Variants in JAKMIP3 observed in about 807,000 individuals in gnomAD.
JAKMIP3 encodes the protein janus kinase and microtubule-interacting protein 3.
Under a neutral mutation model 118.5 loss-of-function variants are expected in JAKMIP3, and 58 were observed. That is an observed-to-expected ratio of 0.49 (90% CI 0.40 to 0.61). The LOEUF (loss-of-function observed/expected upper bound fraction) is 0.61. JAKMIP3 is among the 20% of genes least tolerant of loss of function. JAKMIP3 has a pLI of 0.00. For missense variants in JAKMIP3, 950 were observed against 1,109.0 expected (o/e 0.86, Z 2.04); for synonymous variants, 486 against 451.2 (o/e 1.08, Z -0.98).
intron 19 of JAKMIP3, among the ~76,000 whole-genome samples, chr10:132,157,615 G>A (rs1048719503): frequency 6.6e-6 from 1 of 152,150 alleles, no homozygotes; most frequent in Non-Finnish European, 1.5e-5. Context: ...CAGCCGCCTG[G>A]TGCAGTCCTA....
At chr10:132,154,145 C>T (rs2056697627) in intron 19 of JAKMIP3, among the ~76,000 whole-genome samples, 155 bp downstream of exon 19, 2 of 152,374 alleles carry the variant, frequency 1.3e-5, no homozygotes, top group South Asian at 2.1e-4. Context: ...GGCTCTGGCT[C>T]TCCAGAGCTG....
At chr10:132,074,148 T>C (rs1170469054) in intron 1 of JAKMIP3, among the ~76,000 whole-genome samples, 1 of 152,140 alleles carries the variant, frequency 6.6e-6, no homozygotes, top group Non-Finnish European at 1.5e-5. Flanking sequence ...GCCTCCTGGG[T>C]TCAAGGGATT....
At chr10:132,136,532 C>T (rs1204215872) in intron 6 of JAKMIP3, among the ~76,000 whole-genome samples, 6 of 152,226 alleles carry the variant, frequency 3.9e-5, no homozygotes, top group Middle Eastern at 3.2e-3. Flanking sequence ...GGTGTCACCA[C>T]GTTCCCCTGC....
At chr10:132,110,901 G>A (rs1455679654) in intron 2 of JAKMIP3, among the ~76,000 whole-genome samples, 2 of 152,230 alleles carry the variant, frequency 1.3e-5, no homozygotes, top group Non-Finnish European at 1.5e-5. Context: ...AGAGCCATAC[G>A]TGTCATGAGG....
chr10:132,056,299 C>A (rs1564853254), intron 1 of JAKMIP3, among the ~76,000 whole-genome samples: 1 of 152,174 alleles, frequency 6.6e-6, no homozygotes, highest in Non-Finnish European at 1.5e-5. Context: ...AGCCCATCCC[C>A]AGCGTCTCTG....
intron 23 of JAKMIP3, among the ~76,000 whole-genome samples, chr10:132,175,157 G>T (rs1332928421): frequency 3.3e-5 from 5 of 152,192 alleles, no homozygotes; most frequent in African/African-American, 4.8e-5. Flanking sequence ...GGTTTTTGAT[G>T]TTAGAACTAA....
chr10:132,051,461 A>T (rs1428346891), intron 1 of JAKMIP3, among the ~76,000 whole-genome samples: 1 of 151,510 alleles, frequency 6.6e-6, no homozygotes, highest in African/African-American at 2.4e-5. Context: ...GGGTTTAATG[A>T]CCATTTCCCT....
chr10:132,109,737 C>G (rs2046560749), intron 2 of JAKMIP3, among the ~76,000 whole-genome samples: 1 of 152,200 alleles, frequency 6.6e-6, no homozygotes, highest in African/African-American at 2.4e-5. Context: ...GGGCTTGAGG[C>G]TGTAGCTTCT....
intron 1 of JAKMIP3, among the ~76,000 whole-genome samples, chr10:132,048,666 TC>T (rs1220587249): frequency 3.2e-5 from 3 of 93,826 alleles, no homozygotes; most frequent in African/African-American, 9.2e-5. Flanking sequence ...CTGTTTCTTT[TC>T]TTTTTTTTTT....
chr10:132,082,461 G>A (rs1048304652), intron 1 of JAKMIP3, among the ~76,000 whole-genome samples: 3 of 151,986 alleles, frequency 2.0e-5, no homozygotes, highest in Non-Finnish European at 2.9e-5. Context: ...TCCCACCTAC[G>A]AGTGAGAGCA....
intron 9 of JAKMIP3, among the ~76,000 whole-genome samples, chr10:132,138,650 C>T (rs1427222377): frequency 6.6e-6 from 1 of 152,144 alleles, no homozygotes; most frequent in African/African-American, 2.4e-5. Context: ...TTCAAATTTC[C>T]AAGAGAAGAT....
Position 132,140,573 on chromosome 10 carries a change from G to A in JAKMIP3, c.1467G>A (p.Leu489=). 1 of 1,416,620 alleles carries A rather than the reference G, an allele frequency of 7.1e-7. No individual in the cohort carries two copies. Among genetic ancestry groups the A allele is most frequent in the South Asian group, 1.3e-5 (1 of 77,462 alleles). 87.8% of individuals were successfully genotyped at this position (1,416,620 alleles called of 1,614,324 possible). A position where few individuals can be genotyped will look rare whatever the true frequency, so the allele number is the denominator to read the frequency against. Residue 489 remains leucine (L), a synonymous_variant, in exon 10 of 24, where the codon TTG becomes TTA. Transcript: ENST00000684848. ...DQTPCTPDDD[L]EEGMAKEETE... ...CCCCGTGCACCCCGGACGATGACTT[G>A]GAGGAGGTAACGAGGGTCTCCTGCC...
chr10:132,081,167 G>A (rs2041717662), intron 1 of JAKMIP3, among the ~76,000 whole-genome samples: 1 of 149,808 alleles, frequency 6.7e-6, no homozygotes, highest in Non-Finnish European at 1.5e-5. Context: ...TTTGCATGTG[G>A]ACATCCAGTT....
chr10:132,071,901 C>CT (rs2039998670), intron 1 of JAKMIP3, among the ~76,000 whole-genome samples: 1 of 33,452 alleles, frequency 3.0e-5, no homozygotes, highest in South Asian at 1.2e-3. Flanking sequence ...TCCTTTCTTT[C>CT]TTCCCTTCCT....
At chr10:132,063,965 A>G (rs4880314), upstream of JAKMIP3, among the ~76,000 whole-genome samples, 117,335 of 152,208 alleles carry the variant, frequency 0.77, 45,878 homozygotes, top group East Asian at 1. Context: ...TACTATACAC[A>G]CTTTTTTAAA....
chr10:132,091,038 C>T (rs2043027047), intron 1 of JAKMIP3, among the ~76,000 whole-genome samples: 1 of 152,108 alleles, frequency 6.6e-6, no homozygotes, highest in Non-Finnish European at 1.5e-5. Context: ...TGTTATGTAC[C>T]CAGTAGTCAT....
chr10:132,154,714 T>G (rs894673570), intron 19 of JAKMIP3, among the ~76,000 whole-genome samples: 4 of 152,054 alleles, frequency 2.6e-5, no homozygotes, highest in African/African-American at 9.7e-5. Context: ...GAAAGTGGGC[T>G]GGGATGAAAA....
At chr10:132,180,748 CGCGCGTGTGTGCGTGTGT>C (rs2061227457) in intron 23 of JAKMIP3, among the ~76,000 whole-genome samples, 1 of 8,328 alleles carries the variant, frequency 1.2e-4, no homozygotes, top group Non-Finnish European at 1.9e-4. Flanking sequence ...CGTGCGTGCG[CGCGCGTGTGTGCGTGTGT>C]GTGCGTGTGT....
intron 1 of JAKMIP3, among the ~76,000 whole-genome samples, chr10:132,070,508 A>G (rs2039675871): frequency 6.6e-6 from 1 of 152,102 alleles, no homozygotes; most frequent in Non-Finnish European, 1.5e-5. Flanking sequence ...ATGTCTTCAG[A>G]TCCTTAATCC....
Sources: allele counts gnomAD v4.1 joint callset (sites outside exome capture counted in the v4.1 genomes callset), GRCh38; gene constraint gnomAD v4.1.1; transcripts MANE v1.5; gene names NCBI Gene and HGNC (gene_info 2026-07-23, HGNC 2026-07-21).